The following SOX6 variants were observed in gnomAD, a reference collection of about 807,000 sequenced individuals.
SOX6 encodes transcription factor SOX-6.
A neutral mutation model predicts 97.8 loss-of-function variants in SOX6; 11 were observed. The ratio of observed to expected loss-of-function variants is 0.11; its 90% confidence interval spans 0.07 to 0.19. SOX6 has a LOEUF of 0.19. SOX6 is among the 10% of genes least tolerant of loss of function. The probability of loss-of-function intolerance (pLI) is 1.00; values close to 1 mark genes in which losing one functional copy is unlikely to be tolerated. For synonymous variants in SOX6, 360 were observed against 371.4 expected (o/e 0.97, Z 0.35); for missense variants, 810 against 1,039.5 (o/e 0.78, Z 3.04).
intron 1 of SOX6, among the ~76,000 whole-genome samples, chr11:16,461,943 C>G (rs1220867242): frequency 6.6e-6 from 1 of 152,236 alleles, no homozygotes; most frequent in South Asian, 2.1e-4. Context: ...TTCTTGAGGG[C>G]AGGGACTTTG....
At chr11:16,316,342 T>G (rs530623624) in intron 3 of SOX6, 1 of 151,708 alleles carries the variant, frequency 6.6e-6, no homozygotes, top group South Asian at 2.1e-4. Flanking sequence ...TTGATGAGCA[T>G]GTTTTTGGTC....
intron 3 of SOX6, among the ~76,000 whole-genome samples, chr11:16,665,667 T>G (rs1427819701): frequency 6.6e-6 from 1 of 152,190 alleles, no homozygotes. Flanking sequence ...TCCTGCTTAT[T>G]GCAGAGGCCT....
At chr11:16,174,792 A>G (rs561883341) in intron 6 of SOX6, among the ~76,000 whole-genome samples, 3 of 152,150 alleles carry the variant, frequency 2.0e-5, no homozygotes, top group Admixed American at 6.6e-5. Flanking sequence ...CATAATTTCA[A>G]CTGTCTTTAA....
At position 16,569,120 on chromosome 11, in the gene SOX6, A is replaced by G. The variant is rs1250423686; in HGVS notation, n.609+42961T>C. Among the ~76,000 whole-genome samples the G allele has an allele frequency of 5.3e-5, 8 of 152,324 alleles. No individual in the cohort carries two copies. The East Asian group carries it at 1.3e-3, about 26-fold the overall frequency. The stretch of plus-strand genomic sequence containing the variant: ...GGAATTTTTACACCAATAAATTCCA[A>G]TCCCAGGTCTTTGATTTTTTAGCAT... On this transcript the variant is annotated intron_variant and non_coding_transcript_variant, in intron 4 of 5. Coordinates refer to the SOX6 transcript ENST00000524520.
chr11:16,556,954 T>C (rs1233122088), intron 4 of SOX6, among the ~76,000 whole-genome samples: 4 of 151,752 alleles, frequency 2.6e-5, no homozygotes, highest in Admixed American at 2.6e-4. Flanking sequence ...TTACATACCA[T>C]AACTTCATTG....
intron 9 of SOX6, among the ~76,000 whole-genome samples, chr11:16,065,812 G>T (rs1411847330): frequency 6.6e-6 from 1 of 152,042 alleles, no homozygotes; most frequent in Non-Finnish European, 1.5e-5. Context: ...TGAAACTACT[G>T]CAAGCAAACA....
At chr11:16,023,502 C>T (rs1412314755) in intron 12 of SOX6, among the ~76,000 whole-genome samples, 1 of 151,982 alleles carries the variant, frequency 6.6e-6, no homozygotes, top group African/African-American at 2.4e-5. Context: ...CAGATAAATA[C>T]AAAGGAAGGT....
At chr11:16,439,787 C>A (rs1263843846) in intron 1 of SOX6, among the ~76,000 whole-genome samples, 1 of 152,164 alleles carries the variant, frequency 6.6e-6, no homozygotes, top group Non-Finnish European at 1.5e-5. Flanking sequence ...CTTTCCACAG[C>A]AAGATTGTCC....
intron 13 of SOX6, among the ~76,000 whole-genome samples, chr11:16,003,632 T>C (rs568844069): frequency 6.6e-6 from 1 of 152,206 alleles, no homozygotes; most frequent in Admixed American, 6.5e-5. Flanking sequence ...ACTAATACAG[T>C]ACAGTGGACA....
At chr11:16,223,652 T>G (rs903935194) in intron 4 of SOX6, among the ~76,000 whole-genome samples, 1 of 152,052 alleles carries the variant, frequency 6.6e-6, no homozygotes, top group Non-Finnish European at 1.5e-5. Context: ...AGAGAAAGGT[T>G]CCCCCTCAGC....
chr11:16,273,883 T>A (rs1044166393), intron 3 of SOX6, among the ~76,000 whole-genome samples: 2 of 152,002 alleles, frequency 1.3e-5, no homozygotes, highest in Non-Finnish European at 2.9e-5. Flanking sequence ...GTAAAAGAAT[T>A]AGGAGTGATG....
At chr11:16,262,246 C>T (rs929418493) in intron 3 of SOX6, among the ~76,000 whole-genome samples, 2 of 152,176 alleles carry the variant, frequency 1.3e-5, no homozygotes, top group South Asian at 4.1e-4. Context: ...AAGTCAAGCA[C>T]ATCAACAATG....
chr11:15,996,532 G>C (rs908260509), intron 13 of SOX6, among the ~76,000 whole-genome samples: 4 of 152,128 alleles, frequency 2.6e-5, no homozygotes, highest in African/African-American at 9.7e-5. Flanking sequence ...AGGAGGCTGA[G>C]GTGGGAGGAT....
chr11:16,336,752 C>T (rs911538188), intron 2 of SOX6, among the ~76,000 whole-genome samples: 1 of 152,136 alleles, frequency 6.6e-6, no homozygotes, highest in Non-Finnish European at 1.5e-5. Flanking sequence ...CTGTCAGCCT[C>T]CCTGATTTCA....
intron 6 of SOX6, among the ~76,000 whole-genome samples, chr11:16,141,955 GA>G (rs1850155222): frequency 2.0e-5 from 3 of 152,172 alleles, no homozygotes; most frequent in African/African-American, 7.2e-5. Flanking sequence ...AAAGGCAGCA[GA>G]AACCTCTGCA....
At position 16,691,111 on chromosome 11, in the gene SOX6, C is replaced by T. The variant is rs576141464; in HGVS notation, n.429+23719G>A. ...TGAAACTCAAAATTGAGGATCATTC[C>T]TGTTTTCATGACCCTCCTTGGAGTT... On this transcript the variant is annotated intron_variant and non_coding_transcript_variant, in intron 3 of 5. Coordinates refer to the SOX6 transcript ENST00000524520. Among the ~76,000 whole-genome samples, 12 of 152,314 alleles carry T rather than the reference C, an allele frequency of 7.9e-5. No homozygotes were observed. The South Asian group carries it at 2.5e-3, about 32-fold the overall frequency.
rs1857997186 is a variant in SOX6 at position 16,386,712 on chromosome 11, C to T, written c.-4-45460G>A. Among the ~76,000 whole-genome samples, 5 of 152,082 alleles carry T rather than the reference C, an allele frequency of 3.3e-5. No individual in the cohort carries two copies. In the South Asian group the frequency reaches 1.0e-3, roughly 31 times the overall value. ...ACTATATCCTACTTATAATTTATGTCTCAGCTTTAATACCACTAATGTATA... is the reference window on the plus strand; with the variant it reads ...ACTATATCCTACTTATAATTTATGTTTCAGCTTTAATACCACTAATGTATA... On this transcript the variant is annotated intron_variant, in intron 1 of 15. Coordinates refer to the SOX6 transcript ENST00000396356.
At chr11:16,392,231 T>C (rs1468894009) in intron 1 of SOX6, among the ~76,000 whole-genome samples, 2 of 152,080 alleles carry the variant, frequency 1.3e-5, no homozygotes, top group African/African-American at 4.8e-5. Context: ...AAAATAGTAG[T>C]TACACTTGGG....
At chr11:16,412,480 A>G (rs914824940) in intron 1 of SOX6, among the ~76,000 whole-genome samples, 3 of 152,154 alleles carry the variant, frequency 2.0e-5, no homozygotes, top group Non-Finnish European at 4.4e-5. Flanking sequence ...TTATTAAAAA[A>G]ATAATTTGTC....
Sources: allele counts gnomAD v4.1 joint callset (sites outside exome capture counted in the v4.1 genomes callset), GRCh38; gene constraint gnomAD v4.1.1; transcripts MANE v1.5; gene names NCBI Gene and HGNC (gene_info 2026-07-23, HGNC 2026-07-21).